Variants in LYG2 observed in about 807,000 individuals in gnomAD.
The protein encoded by LYG2 is lysozyme g2.
In LYG2, 25 loss-of-function variants were observed where a neutral mutation model predicts 22.4. The observed-to-expected ratio is 1.12, with a 90% CI of 0.81 to 1.56. LYG2 has a LOEUF of 1.56. LYG2 is among the 40% of genes most tolerant of loss of function. The probability of loss-of-function intolerance (pLI) is 0.00; values close to 1 mark genes in which losing one functional copy is unlikely to be tolerated. For synonymous variants in LYG2, 88 were observed against 97.0 expected, an observed-to-expected ratio of 0.91 and a Z score of 0.55; for missense variants, 266 against 269.5, an observed-to-expected ratio of 0.99 and a Z score of 0.09.
intron 5 of LYG2, among the ~76,000 whole-genome samples, chr2:99,244,354 A>G (rs774947932): frequency 1.3e-5 from 2 of 152,224 alleles, no homozygotes; most frequent in Non-Finnish European, 2.9e-5. Context: ...ACATTCTAAT[A>G]TACAAAAAAA....
At chr2:99,259,736 A>G (rs2094043796), upstream of LYG2, among the ~76,000 whole-genome samples, 1 of 152,158 alleles carries the variant, frequency 6.6e-6, no homozygotes, top group Admixed American at 6.5e-5. Context: ...AATACTGTAA[A>G]CTTAGGTACA....
At chr2:99,243,640 A>G (rs2094010480) in intron 6 of LYG2, 4 of 709,058 alleles carry the variant, frequency 5.6e-6, no homozygotes, top group East Asian at 2.9e-5. Context: ...GGCACAAGCA[A>G]TCCTCCTGGC....
chr2:99,252,914 G>A (rs2094029559), intron 3 of LYG2, among the ~76,000 whole-genome samples: 1 of 151,924 alleles, frequency 6.6e-6, no homozygotes, highest in African/African-American at 2.4e-5. Flanking sequence ...GGGCATGATG[G>A]TGGGCGCCTG....
chr2:99,242,524 C>G lies in LYG2; in HGVS notation c.521-42G>C, dbSNP rs781157970. On this transcript the variant is annotated intron_variant, in intron 6 of 6. Transcript: ENST00000333017. ...AGAATTAGGCTCAAATATTAACTTT[C>G]AACAGAAATAAGCAATGAGCATTGC... The G allele has an allele frequency of 2.2e-6, 3 of 1,382,804 alleles. No homozygotes were observed. In the South Asian group the frequency reaches 3.6e-5, roughly 17 times the overall value. 85.7% of individuals were successfully genotyped at this position (1,382,804 alleles called of 1,614,324 possible).
intron 3 of LYG2, among the ~76,000 whole-genome samples, chr2:99,248,780 C>A (rs559705969): frequency 1.1e-4 from 17 of 149,610 alleles, no homozygotes; most frequent in South Asian, 8.5e-4. Flanking sequence ...AAATAAAATT[C>A]AAAAAAAACC....
intron 6 of LYG2, among the ~76,000 whole-genome samples, chr2:99,243,218 G>T (rs1389346082): frequency 1.3e-5 from 2 of 152,116 alleles, no homozygotes; most frequent in Non-Finnish European, 2.9e-5. Flanking sequence ...AAGCAATCTG[G>T]TTTTCAGGCT....
intron 5 of LYG2, 34 bp from the exon 6 acceptor site, chr2:99,244,171 A>T: frequency 6.2e-7 from 1 of 1,602,546 alleles, no homozygotes; most frequent in South Asian, 1.1e-5. Flanking sequence ...CAGCATCTGG[A>T]TGAGGTAACA....
rs146631159 is a variant in LYG2 at position 99,242,300 on chromosome 2, C to T, written c.*64G>A. ...GCCAGTGTTGTATACAACACATTCA[C>T]GTAAAACTCTCAAAGGCGGCCATCT... On this transcript the variant is annotated 3_prime_UTR_variant, in exon 7 of 7. Coordinates refer to ENST00000333017, the MANE Select transcript of LYG2 (RefSeq NM_175735.4). 78 of 840,640 alleles carry T rather than the reference C, an allele frequency of 9.3e-5. No homozygotes were observed. The highest frequency in any genetic ancestry group is 1.2e-4 in the Non-Finnish European group (64 of 515,332). The allele number at this position is 840,640 out of a possible 1,614,324, so 52.1% of individuals were successfully genotyped here. A position where few individuals can be genotyped will look rare whatever the true frequency, so the allele number is the denominator to read the frequency against.
At chr2:99,245,915 C>G (rs2094015406) in intron 4 of LYG2, among the ~76,000 whole-genome samples, 1 of 152,120 alleles carries the variant, frequency 6.6e-6, no homozygotes, top group Admixed American at 6.5e-5. Context: ...CAAGACTAGC[C>G]TGGCCAACAT....
chr2:99,248,131 G>T (rs1201074215), intron 3 of LYG2, among the ~76,000 whole-genome samples: 1 of 151,886 alleles, frequency 6.6e-6, no homozygotes, highest in African/African-American at 2.4e-5. Flanking sequence ...TACACTGTTG[G>T]TGGGACTGTA....
chr2:99,244,032 A>AT lies in LYG2; in HGVS notation c.486dup (p.Phe163IlefsTer18), dbSNP rs759899449. Reference sequence around the variant, plus strand: ...TGCTGAGCAACACTCCACGTGGGGAATTTTTTCTGGATTGCCTTAATTCTC... The same window carrying AT: ...TGCTGAGCAACACTCCACGTGGGGAATTTTTTTCTGGATTGCCTTAATTCTC... On this transcript the variant is annotated frameshift_variant, in exon 6 of 7. Coordinates refer to ENST00000333017, the MANE Select transcript of LYG2 (RefSeq NM_175735.4). LOFTEE classifies it high-confidence loss of function. The AT allele has an allele frequency of 6.2e-7, 1 of 1,613,960 alleles. No homozygotes were observed. Among genetic ancestry groups the AT allele is most frequent in the African/African-American group, 1.3e-5 (1 of 74,978 alleles).
intron 3 of LYG2, among the ~76,000 whole-genome samples, chr2:99,247,413 G>A (rs905557066): frequency 6.6e-6 from 1 of 152,022 alleles, no homozygotes; most frequent in Non-Finnish European, 1.5e-5. Context: ...AAAACTGACA[G>A]GTTTTTAAGC....
chr2:99,258,923 T>G (rs150853074), upstream of LYG2, among the ~76,000 whole-genome samples: 1 of 152,182 alleles, frequency 6.6e-6, no homozygotes, highest in African/African-American at 2.4e-5. Flanking sequence ...AAAGAAGATA[T>G]ACAAATGGCC....
upstream of LYG2, among the ~76,000 whole-genome samples, chr2:99,255,771 C>G (rs768621210): frequency 2.0e-5 from 3 of 152,124 alleles, no homozygotes; most frequent in Non-Finnish European, 2.9e-5. Context: ...GCCACCTGCT[C>G]TAGGAGATCA....
chr2:99,257,618 A>C (rs2094038654), upstream of LYG2, among the ~76,000 whole-genome samples: 1 of 152,180 alleles, frequency 6.6e-6, no homozygotes, highest in African/African-American at 2.4e-5. Context: ...CCCAAAATAA[A>C]AACACAATCT....
At chr2:99,248,002 C>A (rs1447215656) in intron 3 of LYG2, among the ~76,000 whole-genome samples, 3 of 152,204 alleles carry the variant, frequency 2.0e-5, no homozygotes, top group Non-Finnish European at 4.4e-5. Context: ...CACTGGCTAT[C>A]AGAAAAATGC....
At chr2:99,259,226 A>T (rs1244745673), upstream of LYG2, among the ~76,000 whole-genome samples, 1 of 146,076 alleles carries the variant, frequency 6.8e-6, no homozygotes, top group Admixed American at 6.9e-5. Flanking sequence ...AAAAAAAAAA[A>T]TGTCTCCCAA....
intron 5 of LYG2, 95 bp from the exon 6 acceptor site, chr2:99,244,232 A>G (rs1417632716): frequency 8.0e-7 from 1 of 1,245,622 alleles, no homozygotes; most frequent in Non-Finnish European, 1.1e-6. Context: ...AGTCATAGAT[A>G]CCGGCCTTTA....
intron 5 of LYG2, 35 bp downstream of exon 5, chr2:99,245,227 G>A (rs1288795971): frequency 6.5e-7 from 1 of 1,531,858 alleles, no homozygotes; most frequent in Non-Finnish European, 8.8e-7. Flanking sequence ...GAGGAGGGAT[G>A]CAGTGGGGCT....
Sources: allele counts gnomAD v4.1 joint callset (sites outside exome capture counted in the v4.1 genomes callset), GRCh38; gene constraint gnomAD v4.1.1; transcripts MANE v1.5; gene names NCBI Gene and HGNC (gene_info 2026-07-23, HGNC 2026-07-21).